The following XIRP2 variants were observed in gnomAD, a reference collection of about 807,000 sequenced individuals.
The protein encoded by XIRP2 is xin actin binding repeat containing 2.
Under a neutral mutation model 277.0 loss-of-function variants are expected in XIRP2, and 236 were observed. That is an observed-to-expected ratio of 0.85 (90% confidence interval 0.77 to 0.95). XIRP2 has a LOEUF of 0.95. Among genes scored for constraint, XIRP2 ranks in the 40% least tolerant of loss-of-function variants. The pLI, the probability that XIRP2 is intolerant of heterozygous loss-of-function variation, is 0.00. For missense variants in XIRP2, 4,640 were observed against 4,157.5 expected, an observed-to-expected ratio of 1.12 and a Z score of -3.19; for synonymous variants, 1,490 against 1,416.5, an observed-to-expected ratio of 1.05 and a Z score of -1.17.
intron 2 of XIRP2, among the ~76,000 whole-genome samples, chr2:166,927,414 C>T (rs998104333): frequency 6.6e-6 from 1 of 152,094 alleles, no homozygotes; most frequent in African/African-American, 2.4e-5. Context: ...GTTGGCAAGT[C>T]TGCATTTTTT....
At chr2:167,201,320 CGAAG>C (rs145180470) in intron 3 of XIRP2, among the ~76,000 whole-genome samples, 922 of 91,072 alleles carry the variant, frequency 0.01, 1 homozygote, top group African/African-American at 0.043. Flanking sequence ...AAGGAAAGAA[CGAAG>C]GAAGGAAGGA....
intron 2 of XIRP2, among the ~76,000 whole-genome samples, chr2:166,955,598 T>C (rs1368952476): frequency 1.3e-5 from 2 of 152,002 alleles, no homozygotes; most frequent in South Asian, 2.1e-4. Context: ...ACTAAACTTA[T>C]ATATTTAAAA....
At chr2:167,144,800 C>A (rs569530487) in intron 3 of XIRP2, among the ~76,000 whole-genome samples, 8 of 152,076 alleles carry the variant, frequency 5.3e-5, no homozygotes, top group Non-Finnish European at 8.8e-5. Context: ...AAGCCAATTG[C>A]TTCATAGTTA....
intron 2 of XIRP2, among the ~76,000 whole-genome samples, chr2:166,922,248 C>G (rs1040242201): frequency 6.6e-6 from 1 of 150,790 alleles, no homozygotes; most frequent in Admixed American, 6.6e-5. Flanking sequence ...TCACGAACTG[C>G]ACATCTACAC....
rs996586539 is a variant in XIRP2 at position 167,243,792 on chromosome 2, T to C, written c.2400T>C (p.Asn800=). Residue 800 remains asparagine (N), a synonymous_variant, in exon 9 of 11, where the codon AAT becomes AAC. Transcript: ENST00000409195. ...TCCGAGGAATATCCATGGAAGAAAA[T>C]GTCAAAGGTGGGGTGAGTAAGGCAA... ...KVVRGISMEE[N]VKGGVSKAKW... is the part of the protein sequence containing the mutation. 1 of 1,613,900 alleles carries C rather than the reference T, an allele frequency of 6.2e-7. No individual in the cohort carries two copies. Among genetic ancestry groups the C allele is most frequent in the Non-Finnish European group, 8.5e-7 (1 of 1,179,936 alleles).
At chr2:167,198,059 C>T (rs1448178862) in intron 3 of XIRP2, among the ~76,000 whole-genome samples, 2 of 151,978 alleles carry the variant, frequency 1.3e-5, no homozygotes, top group African/African-American at 2.4e-5. Context: ...AAACAAATGC[C>T]TATGTCAAAT....
chr2:167,183,369 G>T (rs1346504180), intron 3 of XIRP2, among the ~76,000 whole-genome samples: 1 of 152,146 alleles, frequency 6.6e-6, no homozygotes, highest in African/African-American at 2.4e-5. Context: ...GGTTTTAATG[G>T]AGTGTAGTTA....
intron 3 of XIRP2, among the ~76,000 whole-genome samples, chr2:167,185,604 A>G (rs748707365): frequency 1.3e-5 from 2 of 152,084 alleles, no homozygotes; most frequent in Non-Finnish European, 2.9e-5. Context: ...CTTTAAAAAG[A>G]GTAAAATCAC....
chr2:166,909,066 G>C (rs1684623097), intron 2 of XIRP2, among the ~76,000 whole-genome samples: 1 of 152,160 alleles, frequency 6.6e-6, no homozygotes, highest in Non-Finnish European at 1.5e-5. Context: ...CTCCAGCTTT[G>C]TTCTTTTGGC....
At chr2:167,205,632 C>T (rs1459567618) in intron 3 of XIRP2, among the ~76,000 whole-genome samples, 1 of 152,026 alleles carries the variant, frequency 6.6e-6, no homozygotes, top group Non-Finnish European at 1.5e-5. Flanking sequence ...TTTAAGGATA[C>T]TTTGCATGAA....
At chr2:167,047,335 C>A (rs1341445476) in intron 2 of XIRP2, among the ~76,000 whole-genome samples, 1 of 151,282 alleles carries the variant, frequency 6.6e-6, no homozygotes, top group East Asian at 2.0e-4. Flanking sequence ...GAAGAGAAAT[C>A]TGTAAAGCAT....
intron 2 of XIRP2, among the ~76,000 whole-genome samples, chr2:167,085,915 T>C (rs1295348956): frequency 6.6e-6 from 1 of 152,182 alleles, no homozygotes; most frequent in African/African-American, 2.4e-5. Flanking sequence ...GTCTGTGTCT[T>C]TTAATTGGAA....
chr2:167,155,068 G>A (rs903005651), intron 3 of XIRP2, among the ~76,000 whole-genome samples: 3 of 151,458 alleles, frequency 2.0e-5, no homozygotes, highest in Non-Finnish European at 2.9e-5. Context: ...TCTCTGAATA[G>A]ACCAATAACA....
rs116206636 is a variant in XIRP2, at chr2:167,123,358, G to A, written c.409-12551G>A. On this transcript the variant is annotated intron_variant, in intron 2 of 10. Coordinates refer to ENST00000409195, the MANE Select transcript of XIRP2 (RefSeq NM_152381.6). ...CACAACTAGCTATTTTTAAAGCTAC[G>A]AAGAAACTTACTTTAATAGATATAT... Among the ~76,000 whole-genome samples, 450 of 152,202 alleles carry A rather than the reference G, an allele frequency of 3.0e-3. 2 individuals are homozygous for A. The highest frequency in any genetic ancestry group is 0.01 in the African/African-American group (428 of 41,522).
At position 167,248,109 on chromosome 2, in the gene XIRP2, C is replaced by T. The variant is rs572567985; in HGVS notation, c.6717C>T (p.Asn2239=). The T allele has an allele frequency of 1.6e-5, 26 of 1,612,672 alleles. No individual in the cohort carries two copies. The highest frequency in any genetic ancestry group is 2.0e-5 in the Non-Finnish European group (24 of 1,179,586). Residue 2239 remains asparagine, a synonymous_variant, in exon 9 of 11, where the codon AAC becomes AAT. Coordinates refer to ENST00000409195, the MANE Select transcript of XIRP2 (RefSeq NM_152381.6). ...GTCACAATACATTTAAGGCAACCAA[C>T]AAAAAGCGGGAGACTGATGTTCACT... ...EKSHNTFKAT[N]KKRETDVHLK... is the part of the protein sequence containing the mutation.
At position 167,095,851 on chromosome 2, in the gene XIRP2, C is replaced by CTTTTTTTTTTTTT. The variant is rs60405920; in HGVS notation, c.409-40030_409-40018dup. On this transcript the variant is annotated intron_variant, in intron 2 of 10. Transcript: ENST00000409195. The stretch of plus-strand genomic sequence containing the variant: ...TAAAAATGATTTAGGAGGCGTCACT[C>CTTTTTTTTTTTTT]TTTTTTTTTTTTTTTTTTTTTTTTT... Among the ~76,000 whole-genome samples, 5 of 47,242 alleles carry CTTTTTTTTTTTTT rather than the reference C, an allele frequency of 1.1e-4. 1 individual carries two copies. The highest frequency in any genetic ancestry group is 1.9e-4 in the Non-Finnish European group (4 of 20,630). The allele number at this position is 47,242 out of a possible 152,430, so 31.0% of individuals were successfully genotyped here. A position where few individuals can be genotyped will look rare whatever the true frequency, so the allele number is the denominator to read the frequency against.
chr2:167,055,994 C>T lies in XIRP2; in HGVS notation c.409-79915C>T, dbSNP rs1024684252. Among the ~76,000 whole-genome samples the T allele has an allele frequency of 5.9e-5, 9 of 152,100 alleles. No homozygotes were observed. The East Asian group carries it at 9.6e-4, about 16-fold the overall frequency. ...CATCTGCCTTTCTTCATAAATACAT[C>T]GGGTTCAGTAAATACCTTCTTTTTC... On this transcript the variant is annotated intron_variant, in intron 2 of 10. Coordinates refer to ENST00000409195, the MANE Select transcript of XIRP2 (RefSeq NM_152381.6).
At chr2:167,084,352 A>T (rs1289620744) in intron 2 of XIRP2, among the ~76,000 whole-genome samples, 1 of 152,022 alleles carries the variant, frequency 6.6e-6, no homozygotes, top group Non-Finnish European at 1.5e-5. Flanking sequence ...CCAGTATTTT[A>T]TTGAGGATTT....
chr2:166,968,952 A>G (rs1234912303), intron 2 of XIRP2, among the ~76,000 whole-genome samples: 1 of 151,916 alleles, frequency 6.6e-6, no homozygotes, highest in African/African-American at 2.4e-5. Context: ...CTTAAATAAT[A>G]AATAAGTTTA....
Sources: gnomAD v4.1 joint callset for allele counts (sites outside exome capture counted in the v4.1 genomes callset) on GRCh38, gnomAD v4.1.1 for gene constraint, MANE v1.5 for transcripts, NCBI Gene and HGNC (gene_info 2026-07-23, HGNC 2026-07-21) for gene names.